Variants in ARHGEF4 observed in about 807,000 individuals in gnomAD.
The protein encoded by ARHGEF4 is Rho guanine nucleotide exchange factor 4, also known as APC-stimulated guanine nucleotide exchange factor 1.
A neutral mutation model predicts 162.0 loss-of-function variants in ARHGEF4; 119 were observed. That is an observed-to-expected ratio of 0.73 (90% CI 0.63 to 0.86). The LOEUF is 0.86. ARHGEF4 is among the 40% of genes least tolerant of loss of function. The probability of loss-of-function intolerance (pLI) is 0.00; values close to 1 mark genes in which losing one functional copy is unlikely to be tolerated. For missense variants in ARHGEF4, 2,488 were observed against 2,456.0 expected (o/e 1.01, Z -0.28); for synonymous variants, 1,014 against 979.9 (o/e 1.03, Z -0.65).
intron 2 of ARHGEF4, among the ~76,000 whole-genome samples, chr2:130,920,928 T>G (rs2105071558): frequency 6.6e-6 from 1 of 152,314 alleles, no homozygotes; most frequent in Admixed American, 6.5e-5. Flanking sequence ...TACATAAATG[T>G]GTAGACATAT....
intron 2 of ARHGEF4, among the ~76,000 whole-genome samples, chr2:130,926,027 T>A (rs939308402): frequency 9.5e-6 from 1 of 104,994 alleles, no homozygotes; most frequent in African/African-American, 5.5e-5. Context: ...TTTCTTTCTT[T>A]CTTTCTTTCT....
chr2:130,878,933 G>C (rs1679027799), intron 1 of ARHGEF4, among the ~76,000 whole-genome samples: 1 of 152,232 alleles, frequency 6.6e-6, no homozygotes, highest in Admixed American at 6.5e-5. Flanking sequence ...ACACATAAGA[G>C]AGGAAGTAGT....
At chr2:131,021,914 A>G (rs1689160486) in intron 4 of ARHGEF4, among the ~76,000 whole-genome samples, 2 of 152,202 alleles carry the variant, frequency 1.3e-5, no homozygotes, top group Non-Finnish European at 2.9e-5. Context: ...TGAGATAATC[A>G]TGTATTTTTC....
At chr2:130,967,562 C>G (rs949940591) in intron 4 of ARHGEF4, among the ~76,000 whole-genome samples, 1 of 152,202 alleles carries the variant, frequency 6.6e-6, no homozygotes, top group African/African-American at 2.4e-5. Flanking sequence ...TCCACATTCC[C>G]CCGCAGGCTT....
chr2:130,978,934 G>A (rs1573509239), intron 4 of ARHGEF4, among the ~76,000 whole-genome samples: 2 of 152,282 alleles, frequency 1.3e-5, no homozygotes, highest in East Asian at 3.9e-4. Context: ...TTCAATTTGT[G>A]CAGTGGAAGT....
At chr2:130,896,475 G>A (rs202122699) in intron 1 of ARHGEF4, among the ~76,000 whole-genome samples, 1 of 152,190 alleles carries the variant, frequency 6.6e-6, no homozygotes, top group Non-Finnish European at 1.5e-5. Flanking sequence ...GAAGGACATC[G>A]CAGTTCACTG....
rs569717749 is a variant in ARHGEF4 at position 130,870,591 on chromosome 2, G to A, written c.39+33599G>A. Reference sequence around the variant, plus strand: ...CACCTTGAAGTGAGTGAGGGTCAAAGAATGAAACAACTGCCCCAGTTACCA... The same window carrying A: ...CACCTTGAAGTGAGTGAGGGTCAAAAAATGAAACAACTGCCCCAGTTACCA... On this transcript the variant is annotated intron_variant, in intron 1 of 13. Transcript: ENST00000409359. 3.5e-4 allele frequency among the ~76,000 whole-genome samples: 53 copies of A among 152,282 alleles called. No homozygotes were observed. In the South Asian group the frequency reaches 8.5e-3, roughly 24 times the overall value.
chr2:131,035,289 G>A, intron 5 of ARHGEF4: 1 of 1,208,610 alleles, frequency 8.3e-7, no homozygotes, highest in Non-Finnish European at 1.0e-6. Flanking sequence ...CCGCGCCGGG[G>A]TGAGTGGCGC....
At chr2:130,928,893 C>G (rs1358732081) in intron 2 of ARHGEF4, among the ~76,000 whole-genome samples, 5 of 152,210 alleles carry the variant, frequency 3.3e-5, no homozygotes, top group African/African-American at 1.2e-4. Context: ...ACAGCCTGAG[C>G]TACCTTGCCT....
intron 4 of ARHGEF4, among the ~76,000 whole-genome samples, chr2:131,019,735 G>A (rs1327642290): frequency 6.6e-6 from 1 of 152,152 alleles, no homozygotes; most frequent in African/African-American, 2.4e-5. Flanking sequence ...CCGGGTTCAT[G>A]CCATTCTCCT....
rs917052260 is a variant in ARHGEF4 at position 130,889,660 on chromosome 2, A to C, written c.40-24326A>C. Among the ~76,000 whole-genome samples, 3 of 150,870 alleles carry C rather than the reference A, an allele frequency of 2.0e-5. 1 individual carries two copies. Among genetic ancestry groups the C allele is most frequent in the African/African-American group, 7.4e-5 (3 of 40,294 alleles). On this transcript the variant is annotated intron_variant, in intron 1 of 13. Transcript: ENST00000409359. ...ACCCCATCTCTACTAAAAATACAAA[A>C]AATTAGCTGGGTGTAGTGGCGGGCA...
At chr2:130,981,526 G>T (rs1686116674) in intron 4 of ARHGEF4, among the ~76,000 whole-genome samples, 1 of 152,022 alleles carries the variant, frequency 6.6e-6, no homozygotes, top group African/African-American at 2.4e-5. Context: ...AGGTGTGGTG[G>T]CAGGCGCCTG....
rs1230126179 is a variant in ARHGEF4 at position 130,922,226 on chromosome 2, C to G, written c.3552+4728C>G. On this transcript the variant is annotated intron_variant, in intron 2 of 13. Transcript: ENST00000409359. The stretch of plus-strand genomic sequence containing the variant: ...CTCTACTAAAAACCACAAAAATTAG[C>G]CGGGCATGGTGGCGCATGCATATAA... Among the ~76,000 whole-genome samples, 3 of 151,900 alleles carry G rather than the reference C, an allele frequency of 2.0e-5. No individual in the cohort carries two copies. The South Asian group carries it at 6.3e-4, about 32-fold the overall frequency.
chr2:130,946,392 G>C, intron 3 of ARHGEF4, 117 bp from the exon 4 acceptor site: 2 of 1,310,380 alleles, frequency 1.5e-6, no homozygotes, highest in Non-Finnish European at 2.1e-6. Context: ...GCATATTTTG[G>C]TTGTGTGCTC....
intron 4 of ARHGEF4, among the ~76,000 whole-genome samples, chr2:130,959,837 G>GC (rs1417377283): frequency 6.6e-6 from 1 of 152,184 alleles, no homozygotes; most frequent in African/African-American, 2.4e-5. Flanking sequence ...TGTGGAAACT[G>GC]AAGTGCAGGG....
chr2:130,946,645 G>A lies in ARHGEF4; in HGVS notation c.3985+10G>A, dbSNP rs374400672. The A allele has an allele frequency of 7.3e-5, 118 of 1,613,668 alleles. 1 individual carries two copies. In the African/African-American group the frequency reaches 1.1e-3, roughly 15 times the overall value. The stretch of plus-strand genomic sequence containing the variant: ...CACACACCAGGCACTGGTGAGTTAC[G>A]CGCCTCTCTCTTTTGCTATGTACTC... On this transcript the variant is annotated intron_variant, in intron 4 of 13. Coordinates refer to ENST00000409359, the MANE Select transcript of ARHGEF4 (RefSeq NM_001367493.1).
Position 130,914,039 on chromosome 2 carries a change from G to C in ARHGEF4, c.93G>C (p.Gln31His). The C allele has an allele frequency of 6.5e-7, 1 of 1,536,114 alleles. No individual in the cohort carries two copies. Among genetic ancestry groups the C allele is most frequent in the Non-Finnish European group, 8.7e-7 (1 of 1,146,906 alleles). Residue 31 changes from glutamine (Q) to histidine (H), a missense_variant, in exon 2 of 14, where the codon CAG becomes CAC. Gln to His is a conservative substitution (Grantham distance 24). Coordinates refer to ENST00000409359, the MANE Select transcript of ARHGEF4 (RefSeq NM_001367493.1). ...LPGEGEIEDN[Q>H]LPTSPAEQVE... ...GTGAAGGTGAGATTGAAGATAACCA[G>C]CTCCCCACATCCCCTGCAGAACAAG... is the stretch of plus-strand genomic sequence containing the variant.
chr2:130,907,249 GGAGAC>G (rs781431702), intron 1 of ARHGEF4, among the ~76,000 whole-genome samples: 123,062 of 134,898 alleles, frequency 0.91, 56,617 homozygotes, highest in East Asian at 1. Context: ...GTCTCGCTCT[GGAGAC>G]TGGAGGCTGG....
In ARHGEF4 at chr2:130,914,359, A is replaced by G. The variant is rs1243268577; in HGVS notation, c.413A>G (p.Glu138Gly). The G allele has an allele frequency of 1.4e-6, 2 of 1,450,742 alleles. No homozygotes were observed. The highest frequency in any genetic ancestry group is 2.8e-5 in the African/African-American group (2 of 70,184). 89.9% of individuals were successfully genotyped at this position (1,450,742 alleles called of 1,614,324 possible). A position where few individuals can be genotyped will look rare whatever the true frequency, so the allele number is the denominator to read the frequency against. ...GAACTCGATTTGTCCCCTAGCTTAG[A>G]GGATGACTCTTGCAAAAATGGGTGG... ...KEELDLSPSLEDDSCKNGWRA... is the reference protein window; with the variant it reads ...KEELDLSPSLGDDSCKNGWRA... The change falls in exon 2 of 14, where the codon GAG becomes GGG. Residue 138 changes from glutamate (E) to glycine (G), a missense_variant. Around this residue, in one of 6 missense-constraint regions of ARHGEF4, gnomAD observed 171 missense variants for 169.4 expected, o/e 1.01. Coordinates refer to ENST00000409359, the MANE Select transcript of ARHGEF4 (RefSeq NM_001367493.1).
Sources: gnomAD v4.1 joint callset for allele counts (sites outside exome capture counted in the v4.1 genomes callset) on GRCh38, gnomAD v4.1.1 for gene constraint, gnomAD v4.1.1 regional missense constraint, MANE v1.5 for transcripts, NCBI Gene and HGNC (gene_info 2026-07-23, HGNC 2026-07-21) for gene names.